CBLB: variants seen among roughly 807,000 people sequenced by gnomAD.
CBLB encodes Cbl proto-oncogene B.
A neutral mutation model predicts 104.9 loss-of-function variants in CBLB; 31 were observed. The ratio of observed to expected loss-of-function variants is 0.30; its 90% confidence interval spans 0.22 to 0.40. The LOEUF (loss-of-function observed/expected upper bound fraction) is 0.40. Ranked by LOEUF, CBLB falls within the 10% of genes least tolerant of loss-of-function variation. CBLB has a pLI of 1.00. For synonymous variants in CBLB, 440 were observed against 422.6 expected (o/e 1.04, Z -0.51); for missense variants, 1,062 against 1,214.6 (o/e 0.87, Z 1.87).
chr3:105,808,844 T>C (rs2083871533), intron 3 of CBLB, among the ~76,000 whole-genome samples: 1 of 152,168 alleles, frequency 6.6e-6, no homozygotes, highest in Non-Finnish European at 1.5e-5. Context: ...AATATCACTT[T>C]AGGAAAAATG....
chr3:105,702,581 AC>A, intron 11 of CBLB, 122 bp from the exon 12 acceptor site: 1 of 1,025,600 alleles, frequency 9.8e-7, no homozygotes, highest in Non-Finnish European at 1.4e-6. Context: ...AAGGAGTTTT[AC>A]TAGATTCCTG....
intron 3 of CBLB, among the ~76,000 whole-genome samples, chr3:105,796,137 G>GCAAT (rs2082233534): frequency 6.6e-6 from 1 of 152,074 alleles, no homozygotes; most frequent in Non-Finnish European, 1.5e-5. Context: ...AGTAGCCAGA[G>GCAAT]CAATCCTAAG....
At chr3:105,747,995 T>C (rs923684467) in intron 5 of CBLB, among the ~76,000 whole-genome samples, 2 of 152,222 alleles carry the variant, frequency 1.3e-5, no homozygotes, top group Non-Finnish European at 2.9e-5. Flanking sequence ...GTCTGTGTAT[T>C]GTTTTCCTTG....
At position 105,857,889 on chromosome 3, in the gene CBLB, T is replaced by C. The variant is rs114580355; in HGVS notation, c.169-4225A>G. Among the ~76,000 whole-genome samples, 176 of 152,260 alleles carry C rather than the reference T, an allele frequency of 1.2e-3. 1 individual carries two copies. The highest frequency in any genetic ancestry group is 4.2e-3 in the African/African-American group (173 of 41,558). ...TGCTATGATGGAGGCAAGTACAAAC[T>C]GCTACAGGAGAAAAGCAGCAGCTCA... On this transcript the variant is annotated intron_variant, in intron 2 of 18. Transcript: ENST00000394030.
chr3:105,741,125 A>G (rs1576775336), intron 6 of CBLB, among the ~76,000 whole-genome samples: 1 of 99,964 alleles, frequency 1.0e-5, no homozygotes, highest in Non-Finnish European at 1.8e-5. Context: ...TTTGAGACGG[A>G]GTCTTACTCT....
chr3:105,671,832 A>G (rs2065091286), intron 17 of CBLB: 1 of 193,724 alleles, frequency 5.2e-6, no homozygotes, highest in African/African-American at 2.3e-5. Context: ...AATAACTCTT[A>G]GATTTTGAGT....
At chr3:105,840,974 G>GT (rs959315716) in intron 3 of CBLB, among the ~76,000 whole-genome samples, 2 of 151,824 alleles carry the variant, frequency 1.3e-5, no homozygotes, top group Non-Finnish European at 2.9e-5. Context: ...AATTATTAAA[G>GT]TTTTTTTTCT....
At chr3:105,776,199 G>C (rs762080638) in intron 4 of CBLB, among the ~76,000 whole-genome samples, 197 bp downstream of exon 4, 1 of 152,034 alleles carries the variant, frequency 6.6e-6, no homozygotes, top group Non-Finnish European at 1.5e-5. Flanking sequence ...TATTTACTTA[G>C]TGACTAAAAA....
intron 3 of CBLB, among the ~76,000 whole-genome samples, chr3:105,849,910 T>C (rs140771347): frequency 1.3e-5 from 2 of 152,246 alleles, no homozygotes; most frequent in Admixed American, 6.5e-5. Flanking sequence ...AATAAAAATT[T>C]AACATAAATA....
At chr3:105,824,374 T>C (rs2086285944) in intron 3 of CBLB, 1 of 152,142 alleles carries the variant, frequency 6.6e-6, no homozygotes, top group Non-Finnish European at 1.5e-5. Context: ...CTTCACCGCT[T>C]ATGCTTGTAA....
intron 13 of CBLB, among the ~76,000 whole-genome samples, chr3:105,688,932 T>G (rs1296104717): frequency 1.3e-5 from 2 of 152,266 alleles, no homozygotes; most frequent in East Asian, 1.9e-4. Flanking sequence ...TTTGTACTTG[T>G]GTTCTATCCA....
intron 3 of CBLB, among the ~76,000 whole-genome samples, chr3:105,828,690 C>A (rs2086966610): frequency 6.6e-6 from 1 of 152,154 alleles, no homozygotes; most frequent in South Asian, 2.1e-4. Flanking sequence ...GGGCAAAATA[C>A]TATCTTTCCT....
chr3:105,759,666 C>A (rs1365165294), intron 4 of CBLB, among the ~76,000 whole-genome samples: 1 of 152,226 alleles, frequency 6.6e-6, no homozygotes, highest in Non-Finnish European at 1.5e-5. Flanking sequence ...GGCTTGGCCA[C>A]AGCTTTGCTC....
intron 9 of CBLB, among the ~76,000 whole-genome samples, chr3:105,731,977 G>C (rs1474698502): frequency 3.3e-5 from 5 of 152,216 alleles, no homozygotes; most frequent in Non-Finnish European, 7.3e-5. Flanking sequence ...TGGAGGCAGA[G>C]TGTTAGGAAT....
In CBLB at chr3:105,759,249, G is replaced by A. The variant is rs142514152; in HGVS notation, c.567-7631C>T. Among the ~76,000 whole-genome samples the A allele has an allele frequency of 5.2e-3, 786 of 152,250 alleles. 8 individuals carry two copies. Among genetic ancestry groups the A allele is most frequent in the African/African-American group, 0.018 (741 of 41,548 alleles). ...CTGTGTGAGTCTGGCTGGGTCTGGA[G>A]TTTTTCATGGGCTCAGAAGGAAGGA... On this transcript the variant is annotated intron_variant, in intron 4 of 18. Transcript: ENST00000394030.
intron 3 of CBLB, among the ~76,000 whole-genome samples, chr3:105,780,470 G>T (rs1354240357): frequency 6.6e-6 from 1 of 151,984 alleles, no homozygotes; most frequent in Non-Finnish European, 1.5e-5. Flanking sequence ...AGAAAGAAAA[G>T]ACTCAATAAT....
chr3:105,685,243 C>A, intron 14 of CBLB, 77 bp downstream of exon 14: 1 of 1,232,020 alleles, frequency 8.1e-7, no homozygotes, highest in South Asian at 1.2e-5. Context: ...AGACGTGAAT[C>A]AATTGTTTAA....
At chr3:105,675,050 A>G (rs1268483189) in intron 17 of CBLB, among the ~76,000 whole-genome samples, 2 of 152,198 alleles carry the variant, frequency 1.3e-5, no homozygotes, top group South Asian at 2.1e-4. Flanking sequence ...TGTGCAGGGC[A>G]CTGAATGCTG....
intron 3 of CBLB, among the ~76,000 whole-genome samples, chr3:105,809,101 T>C (rs111681408): frequency 2.0e-5 from 3 of 152,214 alleles, no homozygotes; most frequent in Non-Finnish European, 4.4e-5. Context: ...TAGAAAGATA[T>C]CTGGATAAAC....
Sources: gnomAD v4.1 joint callset for allele counts (sites outside exome capture counted in the v4.1 genomes callset) on GRCh38, gnomAD v4.1.1 for gene constraint, MANE v1.5 for transcripts, NCBI Gene and HGNC (gene_info 2026-07-23, HGNC 2026-07-21) for gene names.